GRIP1: variants seen among roughly 807,000 people sequenced by gnomAD.
The protein encoded by GRIP1 is glutamate receptor interacting protein 1, also known as glutamate receptor-interacting protein 1.
A neutral mutation model predicts 129.9 loss-of-function variants in GRIP1; 45 were observed. The observed-to-expected ratio is 0.35, with a 90% CI of 0.27 to 0.44. The LOEUF is 0.44. GRIP1 is among the 20% of genes least tolerant of loss of function. The pLI is 1.00. For missense variants in GRIP1, 1,196 were observed against 1,396.8 expected (o/e 0.86, Z 2.29); for synonymous variants, 530 against 520.8 (o/e 1.02, Z -0.24).
chr12:66,916,260 C>T (rs1297019786), intron 1 of GRIP1, among the ~76,000 whole-genome samples: 3 of 152,168 alleles, frequency 2.0e-5, no homozygotes, highest in Non-Finnish European at 2.9e-5. Context: ...GCAAATAACA[C>T]GGAGGTATCT....
At chr12:66,388,266 A>T (rs916628407) in intron 19 of GRIP1, among the ~76,000 whole-genome samples, 6 of 151,622 alleles carry the variant, frequency 4.0e-5, no homozygotes, top group African/African-American at 1.2e-4. Flanking sequence ...ATAAAAAATT[A>T]AAAAAGAGAT....
intron 1 of GRIP1, among the ~76,000 whole-genome samples, chr12:66,792,935 T>C (rs1331185657): frequency 6.6e-6 from 1 of 152,188 alleles, no homozygotes; most frequent in Non-Finnish European, 1.5e-5. Flanking sequence ...TAAATAATTT[T>C]ACTCTCTTTG....
intron 1 of GRIP1, among the ~76,000 whole-genome samples, chr12:66,684,993 C>T (rs1725822120): frequency 6.6e-6 from 1 of 152,178 alleles, no homozygotes. Context: ...CCCAGTAGGA[C>T]ACACGTTCCT....
chr12:66,421,359 C>A (rs1163705013), intron 14 of GRIP1, among the ~76,000 whole-genome samples: 1 of 152,120 alleles, frequency 6.6e-6, no homozygotes, highest in African/African-American at 2.4e-5. Flanking sequence ...GCTTGACCAA[C>A]ATGGTGAAAC....
intron 7 of GRIP1, among the ~76,000 whole-genome samples, chr12:66,478,619 G>C (rs1407794103): frequency 1.3e-5 from 2 of 152,140 alleles, no homozygotes; most frequent in East Asian, 3.9e-4. Context: ...CAAAGACTTG[G>C]AACCAACCCA....
intron 1 of GRIP1, among the ~76,000 whole-genome samples, chr12:66,814,494 G>T (rs967250392): frequency 6.6e-6 from 1 of 150,516 alleles, no homozygotes; most frequent in African/African-American, 2.5e-5. Context: ...GTTACATTCC[G>T]ATAGTCTAAC....
intron 23 of GRIP1, 39 bp downstream of exon 23, chr12:66,371,655 C>G: frequency 7.1e-7 from 1 of 1,402,424 alleles, no homozygotes; most frequent in Non-Finnish European, 1.0e-6. Context: ...GAATGGCTGC[C>G]AAATTTGACC....
At chr12:66,663,314 T>C (rs764826429) in intron 1 of GRIP1, among the ~76,000 whole-genome samples, 1 of 152,250 alleles carries the variant, frequency 6.6e-6, no homozygotes, top group South Asian at 2.1e-4. Context: ...TTCATCTATA[T>C]GGGGGGAAGG....
chr12:66,836,149 C>G (rs2039609262), intron 1 of GRIP1, among the ~76,000 whole-genome samples: 1 of 152,134 alleles, frequency 6.6e-6, no homozygotes, highest in South Asian at 2.1e-4. Context: ...TTTTACCCTC[C>G]TGCTGTGTTT....
chr12:66,614,072 C>A lies in GRIP1; in HGVS notation c.56-17145G>T, dbSNP rs575921642. Among the ~76,000 whole-genome samples, 141 of 152,268 alleles carry A rather than the reference C, an allele frequency of 9.3e-4. 3 individuals are homozygous for A. In the South Asian group the frequency reaches 0.028, roughly 31 times the overall value. On this transcript the variant is annotated intron_variant, in intron 1 of 24. Transcript: ENST00000359742. ...TGCCTCACTGACCACACCTTCTCAA[C>A]CTCTGTTGGTGCCTCCTTCCCTTTC...
intron 1 of GRIP1, among the ~76,000 whole-genome samples, chr12:66,915,652 C>T (rs1440771044): frequency 2.0e-5 from 3 of 152,186 alleles, no homozygotes; most frequent in African/African-American, 7.2e-5. Flanking sequence ...GTGAGGCTAT[C>T]TGTTGAGAAG....
chr12:66,414,355 G>C (rs192995646), intron 15 of GRIP1, among the ~76,000 whole-genome samples: 1 of 152,142 alleles, frequency 6.6e-6, no homozygotes, highest in African/African-American at 2.4e-5. Flanking sequence ...TTGCTACAAA[G>C]AGAATAAAAT....
At chr12:66,742,968 T>C (rs995889940) in intron 1 of GRIP1, among the ~76,000 whole-genome samples, 5 of 152,150 alleles carry the variant, frequency 3.3e-5, no homozygotes, top group African/African-American at 1.2e-4. Flanking sequence ...AGGTAGCATT[T>C]AGAAAATGAA....
intron 1 of GRIP1, among the ~76,000 whole-genome samples, chr12:67,003,672 G>A (rs2042584054): frequency 6.6e-6 from 1 of 151,990 alleles, no homozygotes; most frequent in Admixed American, 6.6e-5. Context: ...CAGCCTGGGA[G>A]ACAGAGCGAG....
intron 1 of GRIP1, among the ~76,000 whole-genome samples, chr12:66,648,652 G>A (rs1488241279): frequency 6.6e-6 from 1 of 152,186 alleles, no homozygotes; most frequent in Non-Finnish European, 1.5e-5. Flanking sequence ...TTTAATCAGA[G>A]AATGGCTGAA....
Position 66,450,116 on chromosome 12 carries a change from G to T in GRIP1, c.1355-4608C>A, listed in dbSNP as rs138178519. ...GAAATTGAGACCATCCTGACTAACA[G>T]CGTGAAACCCCATCTCTACTAAAAA... On this transcript the variant is annotated intron_variant, in intron 11 of 24. Transcript: ENST00000359742. Among the ~76,000 whole-genome samples, 481 of 151,444 alleles carry T rather than the reference G, an allele frequency of 3.2e-3. 3 individuals carry two copies. Among genetic ancestry groups the T allele is most frequent in the African/African-American group, 0.011 (457 of 41,310 alleles).
At chr12:66,821,997 A>T (rs1052299497) in intron 1 of GRIP1, among the ~76,000 whole-genome samples, 1 of 125,350 alleles carries the variant, frequency 8.0e-6, no homozygotes, top group Non-Finnish European at 1.9e-5. Flanking sequence ...AGCCACTTCC[A>T]TCTTGTGTGT....
intron 1 of GRIP1, among the ~76,000 whole-genome samples, chr12:66,658,069 T>C (rs1425442393): frequency 6.6e-6 from 1 of 152,158 alleles, no homozygotes; most frequent in African/African-American, 2.4e-5. Context: ...GTGTACTTAT[T>C]AGTGAAAGTA....
At chr12:66,471,594 G>A (rs1176312408) in intron 7 of GRIP1, among the ~76,000 whole-genome samples, 1 of 152,062 alleles carries the variant, frequency 6.6e-6, no homozygotes, top group African/African-American at 2.4e-5. Flanking sequence ...GAATAATAAA[G>A]GAAACATAAT....
Sources: allele counts gnomAD v4.1 joint callset (sites outside exome capture counted in the v4.1 genomes callset), GRCh38; gene constraint gnomAD v4.1.1; transcripts MANE v1.5; gene names NCBI Gene and HGNC (gene_info 2026-07-23, HGNC 2026-07-21).